Variants in ESRRG observed in about 807,000 individuals in gnomAD.
The protein encoded by ESRRG is estrogen related receptor gamma, also known as estrogen-related receptor gamma.
ESRRG carries 13 observed loss-of-function variants against 44.0 expected under a neutral mutation model. The observed-to-expected ratio is 0.30, with a 90% CI of 0.19 to 0.47. The LOEUF (loss-of-function observed/expected upper bound fraction) is 0.47, where lower values mean the gene tolerates loss of function less well. Among genes scored for constraint, ESRRG ranks in the 20% least tolerant of loss-of-function variants. The pLI is 1.00. For synonymous variants in ESRRG, 215 were observed against 214.6 expected (o/e 1.00, Z -0.02); for missense variants, 395 against 580.6 (o/e 0.68, Z 3.29).
intron 2 of ESRRG, 43 bp downstream of exon 2, chr1:216,677,033 T>G: frequency 1.4e-6 from 2 of 1,479,928 alleles, no homozygotes; most frequent in Non-Finnish European, 1.9e-6. Context: ...ACCCATCATG[T>G]GAGGTTGGAA....
intron 1 of ESRRG, among the ~76,000 whole-genome samples, chr1:217,021,733 C>A (rs2080353948): frequency 6.6e-6 from 1 of 152,192 alleles, no homozygotes. Context: ...TATATATAGT[C>A]TAAAAAGCTG....
At chr1:217,029,141 T>C (rs1038349589) in intron 1 of ESRRG, among the ~76,000 whole-genome samples, 7 of 152,068 alleles carry the variant, frequency 4.6e-5, no homozygotes, top group South Asian at 2.1e-4. Context: ...CCTGTATAAA[T>C]AGAAAGAACT....
intron 2 of ESRRG, among the ~76,000 whole-genome samples, chr1:216,913,333 T>C (rs1027218038): frequency 1.3e-5 from 2 of 151,994 alleles, no homozygotes; most frequent in Non-Finnish European, 2.9e-5. Context: ...CATGCAAATA[T>C]TACACTATTT....
chr1:216,866,530 T>C (rs1472129830), intron 2 of ESRRG, among the ~76,000 whole-genome samples: 3 of 151,970 alleles, frequency 2.0e-5, no homozygotes, highest in Non-Finnish European at 4.4e-5. Context: ...TATCTATATC[T>C]CATGATATCT....
chr1:216,942,159 T>C (rs1471654821), intron 1 of ESRRG, among the ~76,000 whole-genome samples: 1 of 149,272 alleles, frequency 6.7e-6, no homozygotes, highest in Non-Finnish European at 1.5e-5. Flanking sequence ...AGTAAGAACA[T>C]GTAATATTTG....
At chr1:216,789,838 C>A (rs989069981) in intron 2 of ESRRG, among the ~76,000 whole-genome samples, 5 of 152,250 alleles carry the variant, frequency 3.3e-5, no homozygotes, top group African/African-American at 1.2e-4. Flanking sequence ...AGTGTAAGAT[C>A]TGTATTCCAG....
At chr1:216,859,941 C>G (rs2096019455) in intron 2 of ESRRG, among the ~76,000 whole-genome samples, 1 of 152,130 alleles carries the variant, frequency 6.6e-6, no homozygotes, top group Non-Finnish European at 1.5e-5. Flanking sequence ...TCAATTGAAA[C>G]AGACCCCAAA....
intron 1 of ESRRG, among the ~76,000 whole-genome samples, chr1:217,017,762 C>G (rs2079636629): frequency 6.6e-6 from 1 of 152,106 alleles, no homozygotes; most frequent in South Asian, 2.1e-4. Flanking sequence ...CCTGAAAACT[C>G]TGTTATGCTA....
intron 2 of ESRRG, among the ~76,000 whole-genome samples, chr1:216,912,854 G>T (rs529437257): frequency 6.6e-6 from 1 of 152,080 alleles, no homozygotes; most frequent in Admixed American, 6.5e-5. Flanking sequence ...GGGCATGGTG[G>T]CTCATACCTA....
intron 1 of ESRRG, among the ~76,000 whole-genome samples, chr1:216,963,394 C>T (rs1035965462): frequency 6.6e-6 from 1 of 151,948 alleles, no homozygotes; most frequent in African/African-American, 2.4e-5. Context: ...CTTTTTGGTG[C>T]CACCCGGGAT....
intron 2 of ESRRG, among the ~76,000 whole-genome samples, chr1:216,781,324 G>C (rs922626022): frequency 3.3e-5 from 5 of 151,698 alleles, no homozygotes; most frequent in African/African-American, 9.7e-5. Context: ...GGAGAGTAAG[G>C]CCATAGAGAA....
intron 2 of ESRRG, among the ~76,000 whole-genome samples, chr1:216,734,899 A>ATTTT (rs2089564615): frequency 7.5e-6 from 1 of 132,986 alleles, no homozygotes; most frequent in African/African-American, 2.8e-5. Flanking sequence ...ACATAGTTCC[A>ATTTT]TATTCTTTTT....
chr1:216,644,077 G>A lies in ESRRG; in HGVS notation c.589+6896C>T, dbSNP rs115578870. On this transcript the variant is annotated intron_variant, in intron 3 of 6. Coordinates refer to ENST00000408911, the MANE Select transcript of ESRRG (RefSeq NM_001438.4). Reference sequence around the variant, plus strand: ...TTTCCACTTTATCTGCAGTGGGGCCGTGGGCAAGTCACTAAAACTCTCTGA... The same window carrying A: ...TTTCCACTTTATCTGCAGTGGGGCCATGGGCAAGTCACTAAAACTCTCTGA... Among the ~76,000 whole-genome samples, 181 of 152,248 alleles carry A rather than the reference G, an allele frequency of 1.2e-3. 2 individuals are homozygous for A. Among genetic ancestry groups the A allele is most frequent in the African/African-American group, 3.4e-3 (142 of 41,552 alleles).
chr1:216,775,283 C>T (rs537501949), intron 2 of ESRRG, among the ~76,000 whole-genome samples: 19 of 152,076 alleles, frequency 1.2e-4, no homozygotes, highest in Middle Eastern at 3.4e-3. Flanking sequence ...TCTTGGTTTT[C>T]CCATGCTTAT....
At chr1:216,819,243 G>T (rs1000830274) in intron 2 of ESRRG, among the ~76,000 whole-genome samples, 1 of 152,046 alleles carries the variant, frequency 6.6e-6, no homozygotes, top group African/African-American at 2.4e-5. Context: ...ACCACAACTC[G>T]CCAGCATCTG....
intron 2 of ESRRG, among the ~76,000 whole-genome samples, chr1:216,836,617 G>A (rs145974157): frequency 2.0e-5 from 3 of 152,170 alleles, no homozygotes; most frequent in Non-Finnish European, 4.4e-5. Context: ...AAGGAGCTTG[G>A]CATAAATGAG....
At chr1:216,873,352 C>T (rs2096287149) in intron 2 of ESRRG, among the ~76,000 whole-genome samples, 1 of 151,546 alleles carries the variant, frequency 6.6e-6, no homozygotes. Context: ...GCTGGGATTA[C>T]AGGCGCCAGC....
intron 5 of ESRRG, among the ~76,000 whole-genome samples, chr1:216,559,072 G>T (rs1351130855): frequency 6.6e-6 from 1 of 152,050 alleles, no homozygotes. Context: ...GTTTTGCCAT[G>T]TTGGCCAGCC....
intron 3 of ESRRG, among the ~76,000 whole-genome samples, chr1:216,630,160 G>A (rs1417075867): frequency 3.3e-5 from 5 of 152,122 alleles, no homozygotes; most frequent in African/African-American, 7.2e-5. Flanking sequence ...AATACTAGGG[G>A]AAGTGCTATG....
Sources: gnomAD v4.1 joint callset for allele counts (sites outside exome capture counted in the v4.1 genomes callset) on GRCh38, gnomAD v4.1.1 for gene constraint, MANE v1.5 for transcripts, NCBI Gene and HGNC (gene_info 2026-07-23, HGNC 2026-07-21) for gene names.